The following STK32B variants were observed in gnomAD, a reference collection of about 807,000 sequenced individuals.
STK32B encodes serine/threonine-protein kinase 32B.
STK32B carries 43 observed loss-of-function variants against 52.6 expected under a neutral mutation model. The observed-to-expected ratio is 0.82, with a 90% confidence interval of 0.64 to 1.05. The LOEUF is 1.05. STK32B is among the 50% of genes least tolerant of loss of function. STK32B has a pLI of 0.00. For synonymous variants in STK32B, 238 were observed against 204.3 expected (o/e 1.17, Z -1.41); for missense variants, 621 against 534.6 (o/e 1.16, Z -1.59).
chr4:5,484,579 C>T (rs995269869), intron 11 of STK32B, among the ~76,000 whole-genome samples: 7 of 152,094 alleles, frequency 4.6e-5, no homozygotes, highest in Non-Finnish European at 7.3e-5. Context: ...GAGCATTTAG[C>T]CCATTTACAT....
intron 2 of STK32B, among the ~76,000 whole-genome samples, chr4:5,148,769 C>T (rs1469969730): frequency 6.6e-5 from 10 of 151,666 alleles, no homozygotes; most frequent in African/African-American, 1.2e-4. Flanking sequence ...TCAGAGCTTC[C>T]GTGTCATTGC....
chr4:5,179,248 C>G (rs1050600033), intron 3 of STK32B, among the ~76,000 whole-genome samples: 2 of 152,186 alleles, frequency 1.3e-5, no homozygotes, highest in Non-Finnish European at 2.9e-5. Context: ...CACTCACTCA[C>G]TATCACGAGA....
chr4:5,395,880 C>G lies in STK32B; in HGVS notation c.435-2327C>G, dbSNP rs1736855467. On this transcript the variant is annotated intron_variant, in intron 4 of 11. Transcript: ENST00000282908. The surrounding 1 kb of genome is among the most constrained non-coding windows in gnomAD (Gnocchi z 4.4). ...GCCCCTTTCCTTGGCTCTGTGGGGTCTAGGGACCAAGGTGGCCACATCCGT... is the reference window on the plus strand; with the variant it reads ...GCCCCTTTCCTTGGCTCTGTGGGGTGTAGGGACCAAGGTGGCCACATCCGT... 6.6e-6 allele frequency among the ~76,000 whole-genome samples: 1 copy of G among 152,342 alleles called. No individual in the cohort carries two copies. The highest frequency in any genetic ancestry group is 2.4e-5 in the African/African-American group (1 of 41,572).
chr4:5,382,717 C>G (rs1323714477), intron 4 of STK32B, among the ~76,000 whole-genome samples: 3 of 152,198 alleles, frequency 2.0e-5, no homozygotes, highest in Non-Finnish European at 4.4e-5. Flanking sequence ...GGAAATTGAT[C>G]ATGTTTAAAT....
At chr4:5,033,834 G>A in the STK32B span, among the ~76,000 whole-genome samples, 1 of 152,222 alleles carries the variant, frequency 6.6e-6, no homozygotes, top group Non-Finnish European at 1.5e-5. Flanking sequence ...GGGCTGGCCT[G>A]CTGGATCCCA....
At chr4:5,483,655 T>C (rs9683419) in intron 11 of STK32B, among the ~76,000 whole-genome samples, 3,545 of 152,152 alleles carry the variant, frequency 0.023, 135 homozygotes, top group African/African-American at 0.08. Context: ...GCTCTTGCTT[T>C]TCTAGTTCTT....
At position 5,436,277 on chromosome 4, in the gene STK32B, G is replaced by T. The variant is rs556576564; in HGVS notation, c.563-10396G>T. Among the ~76,000 whole-genome samples the T allele has an allele frequency of 1.3e-3, 200 of 152,326 alleles. 1 individual carries two copies. The highest frequency in any genetic ancestry group is 4.0e-3 in the African/African-American group (166 of 41,576). On this transcript the variant is annotated intron_variant, in intron 6 of 11. Transcript: ENST00000282908. ...ACCAAAGCACATCAGCACACGAAAGGCTCTGAGGATGATGGTAGAACACAG... is the reference window on the plus strand; with the variant it reads ...ACCAAAGCACATCAGCACACGAAAGTCTCTGAGGATGATGGTAGAACACAG...
intron 3 of STK32B, among the ~76,000 whole-genome samples, chr4:5,226,437 T>G (rs1723878798): frequency 6.6e-6 from 1 of 152,162 alleles, no homozygotes; most frequent in African/African-American, 2.4e-5. Context: ...ATGAAAAATT[T>G]CAGAAGTAAA....
At chr4:5,199,772 C>T (rs1299641805) in intron 3 of STK32B, among the ~76,000 whole-genome samples, 2 of 151,700 alleles carry the variant, frequency 1.3e-5, no homozygotes, top group African/African-American at 4.9e-5. Flanking sequence ...CCCCCGCCCA[C>T]CTGGTGAACC....
chr4:5,335,862 A>G (rs62300014), intron 4 of STK32B, among the ~76,000 whole-genome samples: 55 of 151,666 alleles, frequency 3.6e-4, no homozygotes, highest in African/African-American at 1.0e-3. Context: ...TATAATTTCT[A>G]TTCTTTTACA....
chr4:5,316,765 TTATA>T (rs201468302), intron 3 of STK32B, among the ~76,000 whole-genome samples: 1 of 15,846 alleles, frequency 6.3e-5, no homozygotes, highest in Non-Finnish European at 8.9e-5. Flanking sequence ...ATCATATATA[TTATA>T]TATATTATAT....
rs948332562 is a variant in STK32B, at chr4:5,399,633, G to C, written c.472+1389G>C. 1.3e-5 allele frequency among the ~76,000 whole-genome samples: 2 copies of C among 152,290 alleles called. No individual in the cohort carries two copies. Among genetic ancestry groups the C allele is most frequent in the Non-Finnish European group, 2.9e-5 (2 of 68,028 alleles). On this transcript the variant is annotated intron_variant, in intron 5 of 11. Coordinates refer to ENST00000282908, the MANE Select transcript of STK32B (RefSeq NM_018401.3). The surrounding 1 kb of genome is among the most constrained non-coding windows in gnomAD (Gnocchi z 5.4). ...GTCTCCAGTTTGTATCTAAAAGTCA[G>C]GATCTTCAGATGTGGCACTCAGCTG...
chr4:5,124,346 C>G (rs1258437217), intron 1 of STK32B, among the ~76,000 whole-genome samples: 1 of 152,196 alleles, frequency 6.6e-6, no homozygotes, highest in African/African-American at 2.4e-5. Flanking sequence ...AGTTCTGCAG[C>G]CTCCCTGACT....
chr4:5,192,773 A>G (rs1430123905), intron 3 of STK32B, among the ~76,000 whole-genome samples: 3 of 151,804 alleles, frequency 2.0e-5, no homozygotes, highest in Non-Finnish European at 4.4e-5. Flanking sequence ...CGAGTACACA[A>G]GTCGTTCTTA....
At chr4:5,088,521 G>T (rs1712866087) in intron 1 of STK32B, among the ~76,000 whole-genome samples, 1 of 152,072 alleles carries the variant, frequency 6.6e-6, no homozygotes, top group Non-Finnish European at 1.5e-5. Flanking sequence ...TCTCCATGAT[G>T]TGATTATTAA....
intron 3 of STK32B, among the ~76,000 whole-genome samples, chr4:5,311,902 T>TA (rs1730312925): frequency 7.3e-6 from 1 of 137,596 alleles, no homozygotes; most frequent in African/African-American, 3.1e-5. Context: ...GTGCATACTT[T>TA]TATATATATA....
chr4:5,105,618 T>A (rs902518625), intron 1 of STK32B, among the ~76,000 whole-genome samples: 6 of 151,930 alleles, frequency 3.9e-5, no homozygotes, highest in Admixed American at 3.9e-4. Context: ...GGCTGGAGTG[T>A]AGTGGCGGGA....
At chr4:5,466,252 G>T (rs1317196630) in intron 9 of STK32B, among the ~76,000 whole-genome samples, 3 of 152,188 alleles carry the variant, frequency 2.0e-5, no homozygotes, top group African/African-American at 7.2e-5. Context: ...CAGGGGGCGG[G>T]AGGCGGGGGT....
chr4:5,286,824 G>A (rs1411178527), intron 3 of STK32B, among the ~76,000 whole-genome samples: 1 of 135,092 alleles, frequency 7.4e-6, no homozygotes, highest in Non-Finnish European at 1.5e-5. Flanking sequence ...TTGAGACGGA[G>A]TTTCGCTCTT....
Sources: gnomAD v4.1 joint callset for allele counts (sites outside exome capture counted in the v4.1 genomes callset) on GRCh38, gnomAD v4.1.1 for gene constraint, Gnocchi (gnomAD v3.1) non-coding constraint, MANE v1.5 for transcripts, NCBI Gene and HGNC (gene_info 2026-07-23, HGNC 2026-07-21) for gene names.